ANK2: variants seen among roughly 807,000 people sequenced by gnomAD.
ANK2 encodes the protein ankyrin-2.
ANK2 carries 83 observed loss-of-function variants against 360.5 expected under a neutral mutation model. The observed-to-expected ratio is 0.23, with a 90% CI of 0.19 to 0.28. ANK2 has a LOEUF of 0.28. Ranked by LOEUF, ANK2 falls within the 10% of genes least tolerant of loss-of-function variation. The pLI is 1.00. For synonymous variants in ANK2, 1,740 were observed against 1,759.5 expected (o/e 0.99, Z 0.28); for missense variants, 4,201 against 4,795.7 (o/e 0.88, Z 3.66).
chr4:113,238,963 A>G (rs530643334), intron 7 of ANK2, among the ~76,000 whole-genome samples: 8 of 152,278 alleles, frequency 5.3e-5, no homozygotes, highest in East Asian at 1.9e-4. Context: ...CCCACCCTCA[A>G]TATGTTTTTC....
chr4:112,976,615 G>A (rs535633366), intron 2 of ANK2, among the ~76,000 whole-genome samples: 4 of 151,916 alleles, frequency 2.6e-5, no homozygotes, highest in Admixed American at 2.6e-4. Context: ...ATTTTAAAAT[G>A]AAATGTAAAC....
At chr4:112,727,175 G>A in the ANK2 span, among the ~76,000 whole-genome samples, 1 of 151,854 alleles carries the variant, frequency 6.6e-6, no homozygotes, top group Non-Finnish European at 1.5e-5. Context: ...GTGTGATATT[G>A]GAGAGAACAT....
In ANK2 at chr4:113,239,673, A is replaced by C. The variant is rs145389204; in HGVS notation, c.694-812A>C. 4.2e-4 allele frequency among the ~76,000 whole-genome samples: 64 copies of C among 152,220 alleles called. 1 individual carries two copies. Among genetic ancestry groups the C allele is most frequent in the Admixed American group, 3.1e-3 (47 of 15,296 alleles). ...CAGAAAAAGAAAGAAAAGGAAATATATTTTTTTCATTTGATAATTTCAGAC... is the reference window on the plus strand; with the variant it reads ...CAGAAAAAGAAAGAAAAGGAAATATCTTTTTTTCATTTGATAATTTCAGAC... On this transcript the variant is annotated intron_variant, in intron 7 of 45. Coordinates refer to ENST00000357077, the MANE Select transcript of ANK2 (RefSeq NM_001148.6).
At chr4:113,092,743 T>A (rs1428495113) in intron 1 of ANK2, among the ~76,000 whole-genome samples, 1 of 152,190 alleles carries the variant, frequency 6.6e-6, no homozygotes, top group African/African-American at 2.4e-5. Flanking sequence ...TTAAATGAGG[T>A]AATGAGTGTA....
chr4:113,311,369 G>A lies in ANK2; in HGVS notation c.2663G>A (p.Arg888Gln), dbSNP rs772853667. 4.3e-6 allele frequency: 7 copies of A among 1,613,980 alleles called. No individual in the cohort carries two copies. The highest frequency in any genetic ancestry group is 1.7e-5 in the Admixed American group (1 of 59,990). Residue 888 changes from arginine to glutamine, a missense_variant, in exon 24 of 46, where the codon CGA (arginine) becomes CAA (glutamine). Around this residue, in one of 4 missense-constraint regions of ANK2, gnomAD observed 1,268 missense variants for 1,650.8 expected, o/e 0.77. Transcript: ENST00000357077. ...SQFLDGMNYLRYSLEGGRSDS... is the reference protein window; with the variant it reads ...SQFLDGMNYLQYSLEGGRSDS... ...TTCCTGGATGGTATGAATTACCTGC[G>A]ATACAGCTTGGAGGGAGGACGATCT...
At chr4:113,216,604 TGCA>T (rs2099088103) in intron 4 of ANK2, among the ~76,000 whole-genome samples, 1 of 152,244 alleles carries the variant, frequency 6.6e-6, no homozygotes, top group African/African-American at 2.4e-5. Context: ...TATTGTTTTG[TGCA>T]GTCTTGCTCC....
At chr4:113,225,262 C>T (rs1227627082) in intron 4 of ANK2, among the ~76,000 whole-genome samples, 1 of 151,994 alleles carries the variant, frequency 6.6e-6, no homozygotes, top group Non-Finnish European at 1.5e-5. Flanking sequence ...GCATTTTATT[C>T]ATGTTTCTCT....
chr4:113,355,583 A>G lies in ANK2; in HGVS notation c.6965A>G (p.Lys2322Arg), dbSNP rs750731818. Residue 2322 changes from lysine to arginine, a missense_variant, in exon 38 of 46, where the codon AAA becomes AGA. Lys to Arg is a conservative substitution (Grantham distance 26). Coordinates refer to ENST00000357077, the MANE Select transcript of ANK2 (RefSeq NM_001148.6). ...GGCTCTCCCAAAGACACAAGCCCTA[A>G]AAGACAAGATGATTGCACAGGCAGC... is the stretch of plus-strand genomic sequence containing the variant. ...TLGSPKDTSP[K>R]RQDDCTGSCS... 1.2e-6 allele frequency: 2 copies of G among 1,614,122 alleles called. No individual in the cohort carries two copies. Among genetic ancestry groups the G allele is most frequent in the South Asian group, 2.2e-5 (2 of 91,088 alleles).
the ANK2 span, among the ~76,000 whole-genome samples, chr4:112,800,316 A>G: frequency 3.3e-4 from 50 of 152,196 alleles, no homozygotes; most frequent in African/African-American, 1.1e-3. Context: ...ATGCTACTGT[A>G]TTCTAGTTTT....
intron 2 of ANK2, among the ~76,000 whole-genome samples, chr4:113,015,129 A>AT (rs2056212470): frequency 6.6e-6 from 1 of 152,130 alleles, no homozygotes; most frequent in Non-Finnish European, 1.5e-5. Context: ...AAGTGCTGGG[A>AT]TTACAGGCGT....
chr4:112,721,541 C>CAAAAAA, the ANK2 span, among the ~76,000 whole-genome samples: 1 of 46,888 alleles, frequency 2.1e-5, no homozygotes, highest in African/African-American at 9.7e-5. Context: ...GACCCCATCT[C>CAAAAAA]AAAAAAAAAA....
rs748001958 is a variant in ANK2 at position 113,356,362 on chromosome 4, T to C, written c.7744T>C (p.Phe2582Leu). The change falls in exon 38 of 46, where the codon TTC (phenylalanine) becomes CTC (leucine). Residue 2582 changes from phenylalanine to leucine, a missense_variant. By Grantham distance (22) the Phe-to-Leu change is conservative. Around this residue, in one of 4 missense-constraint regions of ANK2, gnomAD observed 2,642 missense variants for 2,714.5 expected, o/e 0.97. Coordinates refer to ENST00000357077, the MANE Select transcript of ANK2 (RefSeq NM_001148.6). ...TTCAGAAAACGGGGAGAAAAAGAGG[T>C]TCACACCTGAAGAGGAGATGTTTAA... ...DDSENGEKKRFTPEEEMFKMV... is the reference protein window; with the variant it reads ...DDSENGEKKRLTPEEEMFKMV... The C allele has an allele frequency of 1.9e-6, 3 of 1,614,056 alleles. No individual in the cohort carries two copies. The highest frequency in any genetic ancestry group is 2.5e-6 in the Non-Finnish European group (3 of 1,179,970).
intron 3 of ANK2, among the ~76,000 whole-genome samples, chr4:113,196,791 A>G (rs747739652): frequency 9.2e-5 from 14 of 152,174 alleles, no homozygotes; most frequent in Admixed American, 5.2e-4. Flanking sequence ...TGCTGGGATT[A>G]TAGGCGTGAA....
At chr4:112,713,387 T>A in the ANK2 span, among the ~76,000 whole-genome samples, 1 of 152,116 alleles carries the variant, frequency 6.6e-6, no homozygotes, top group Admixed American at 6.5e-5. Flanking sequence ...CTGACCAACA[T>A]GGAGAAACCC....
intron 1 of ANK2, among the ~76,000 whole-genome samples, chr4:113,110,705 T>C (rs956977820): frequency 1.3e-5 from 2 of 152,156 alleles, no homozygotes; most frequent in African/African-American, 4.8e-5. Context: ...GGGATTGTTT[T>C]TTGAGTGGCT....
chr4:113,272,880 G>T (rs1045382721), intron 14 of ANK2, among the ~76,000 whole-genome samples: 1 of 152,012 alleles, frequency 6.6e-6, no homozygotes, highest in Admixed American at 6.6e-5. Context: ...AACAACAAAT[G>T]TTCATCATAG....
intron 1 of ANK2, among the ~76,000 whole-genome samples, chr4:112,858,879 A>G (rs1179454090): frequency 6.6e-6 from 1 of 152,194 alleles, no homozygotes; most frequent in Non-Finnish European, 1.5e-5. Flanking sequence ...TTATTGGTTA[A>G]TGTCCTGGGG....
At chr4:112,744,711 T>C in the ANK2 span, among the ~76,000 whole-genome samples, 1 of 152,220 alleles carries the variant, frequency 6.6e-6, no homozygotes, top group Non-Finnish European at 1.5e-5. Flanking sequence ...TTTTAGTATA[T>C]GTTGTCAAAT....
rs2077383200 is a variant in ANK2 at position 112,883,499 on chromosome 4, T to A, written c.-39-20956T>A. Among the ~76,000 whole-genome samples, 3 of 152,088 alleles carry A rather than the reference T, an allele frequency of 2.0e-5. No homozygotes were observed. The South Asian group carries it at 6.2e-4, about 32-fold the overall frequency. ...TTGAAAACAAAAGTTATTCTTTCTA[T>A]GAAAAATGGAATGTTTAGTAAAAAC... is the stretch of plus-strand genomic sequence containing the variant. On this transcript the variant is annotated intron_variant, in intron 1 of 30. Coordinates refer to the ANK2 transcript ENST00000503271.
Sources: allele counts gnomAD v4.1 joint callset (sites outside exome capture counted in the v4.1 genomes callset), GRCh38; gene constraint gnomAD v4.1.1; regional missense constraint gnomAD v4.1.1; transcripts MANE v1.5; gene names NCBI Gene and HGNC (gene_info 2026-07-23, HGNC 2026-07-21).